TOGARAM1: variants seen among roughly 807,000 people sequenced by gnomAD.
TOGARAM1 encodes TOG array regulator of axonemal microtubules 1, also known as TOG array regulator of axonemal microtubules protein 1.
In TOGARAM1, 100 loss-of-function variants were observed where a neutral mutation model predicts 166.6. That is an observed-to-expected ratio of 0.60 (90% CI 0.51 to 0.71). TOGARAM1 has a LOEUF of 0.71. TOGARAM1 is among the 30% of genes least tolerant of loss of function. The pLI is 0.00. For missense variants in TOGARAM1, 2,029 were observed against 2,102.7 expected, an observed-to-expected ratio of 0.96 and a Z score of 0.69; for synonymous variants, 758 against 763.8, an observed-to-expected ratio of 0.99 and a Z score of 0.13.
At chr14:45,045,630 T>C (rs12894447) in intron 13 of TOGARAM1, among the ~76,000 whole-genome samples, 2 of 117,610 alleles carry the variant, frequency 1.7e-5, no homozygotes, top group African/African-American at 3.3e-5. Context: ...TATATATGTA[T>C]ATATATACAT....
Position 44,964,304 on chromosome 14 carries a change from A to C in TOGARAM1, c.1883A>C (p.Asp628Ala). The C allele has an allele frequency of 6.2e-7, 1 of 1,614,152 alleles. No homozygotes were observed. Among genetic ancestry groups the C allele is most frequent in the Non-Finnish European group, 8.5e-7 (1 of 1,180,020 alleles). Residue 628 changes from aspartate to alanine, a missense_variant, in exon 1 of 20, where the codon GAC becomes GCC. Asp to Ala is a moderately radical substitution (Grantham distance 126). Transcript: ENST00000361462. The stretch of plus-strand genomic sequence containing the variant: ...CAGAGTGCACACTGTCACTGTGGTG[A>C]CCACGTGAGGGATAGCATGCACATT... ...RTQSAHCHCG[D>A]HVRDSMHIYG...
At chr14:45,031,966 C>T (rs1028908139) in intron 10 of TOGARAM1, among the ~76,000 whole-genome samples, 6 of 152,090 alleles carry the variant, frequency 3.9e-5, no homozygotes, top group Admixed American at 6.6e-5. Context: ...TCAAGACCAG[C>T]TTGACCAACA....
chr14:44,990,452 C>G (rs1435828050), intron 1 of TOGARAM1, among the ~76,000 whole-genome samples: 1 of 152,236 alleles, frequency 6.6e-6, no homozygotes, highest in African/African-American at 2.4e-5. Context: ...AAAGGATGCA[C>G]TTTCAGGCCA....
chr14:45,042,677 T>C (rs935137204), intron 11 of TOGARAM1, among the ~76,000 whole-genome samples: 2 of 152,112 alleles, frequency 1.3e-5, no homozygotes, highest in Non-Finnish European at 2.9e-5. Context: ...TATAATGTAG[T>C]CTAATAAGTG....
chr14:45,011,150 T>A (rs1251384934), intron 6 of TOGARAM1, among the ~76,000 whole-genome samples: 1 of 152,174 alleles, frequency 6.6e-6, no homozygotes, highest in Non-Finnish European at 1.5e-5. Flanking sequence ...GTATTTATAA[T>A]GTCAGGAAAG....
intron 7 of TOGARAM1, among the ~76,000 whole-genome samples, chr14:45,015,177 C>T (rs952204419): frequency 6.6e-6 from 1 of 151,662 alleles, no homozygotes; most frequent in Non-Finnish European, 1.5e-5. Context: ...TGGTGGCGTG[C>T]GCCTGTAGTC....
chr14:45,036,851 AGAG>A (rs1881461118), intron 11 of TOGARAM1, among the ~76,000 whole-genome samples: 1 of 152,216 alleles, frequency 6.6e-6, no homozygotes, highest in Non-Finnish European at 1.5e-5. Context: ...GACATATCCA[AGAG>A]GAGAAGAAAA....
chr14:45,013,837 G>T (rs1879955407), intron 7 of TOGARAM1, among the ~76,000 whole-genome samples: 1 of 152,028 alleles, frequency 6.6e-6, no homozygotes, highest in Non-Finnish European at 1.5e-5. Context: ...TTACTAGATT[G>T]TATCTACTTT....
At chr14:45,014,831 A>G (rs1198301729) in intron 7 of TOGARAM1, among the ~76,000 whole-genome samples, 1 of 152,174 alleles carries the variant, frequency 6.6e-6, no homozygotes, top group Non-Finnish European at 1.5e-5. Flanking sequence ...TCAAGACAGA[A>G]TTTATAAAGA....
intron 7 of TOGARAM1, among the ~76,000 whole-genome samples, chr14:45,020,592 G>A (rs1880441852): frequency 6.6e-6 from 1 of 152,156 alleles, no homozygotes; most frequent in Non-Finnish European, 1.5e-5. Flanking sequence ...TATAAATCTT[G>A]TTCAGTGTAG....
intron 7 of TOGARAM1, among the ~76,000 whole-genome samples, chr14:45,017,619 C>CA (rs1461855106): frequency 6.6e-6 from 1 of 152,164 alleles, no homozygotes; most frequent in Non-Finnish European, 1.5e-5. Context: ...CGTGGTGGCT[C>CA]ACGCCTGTAA....
At position 45,073,650 on chromosome 14, in the gene TOGARAM1, T is replaced by TGA; in HGVS notation, c.*89_*90insGA. On this transcript the variant is annotated 3_prime_UTR_variant, in exon 20 of 20. Coordinates refer to ENST00000361462, the MANE Select transcript of TOGARAM1 (RefSeq NM_001308120.2). ...AAAGTTATGTTATCAGTGCCTGCACTTCACATCCAGCAAATTAAGTCAATG... is the reference window on the plus strand; with the variant it reads ...AAAGTTATGTTATCAGTGCCTGCACTGATCACATCCAGCAAATTAAGTCAATG... 1 of 1,246,074 alleles carries TGA rather than the reference T, an allele frequency of 8.0e-7. No individual in the cohort carries two copies. The highest frequency in any genetic ancestry group is 1.1e-6 in the Non-Finnish European group (1 of 911,442). The allele number at this position is 1,246,074 out of a possible 1,614,324, so 77.2% of individuals were successfully genotyped here.
chr14:44,999,605 A>G (rs772619303), intron 3 of TOGARAM1, 108 bp downstream of exon 3: 5 of 884,068 alleles, frequency 5.7e-6, no homozygotes, highest in Non-Finnish European at 7.8e-6. Context: ...CACAAAAAAT[A>G]AAAGGATTTT....
intron 19 of TOGARAM1, 39 bp from the exon 20 acceptor site, chr14:45,073,257 T>C: frequency 6.4e-7 from 1 of 1,564,644 alleles, no homozygotes; most frequent in South Asian, 1.2e-5. Flanking sequence ...GGCTTATTTA[T>C]TAAGAAAAAA....
chr14:45,009,584 C>G (rs1320838865), intron 6 of TOGARAM1, among the ~76,000 whole-genome samples: 1 of 152,146 alleles, frequency 6.6e-6, no homozygotes, highest in East Asian at 1.9e-4. Flanking sequence ...ATCTTATTTC[C>G]ATTATCTTGT....
In TOGARAM1 at chr14:45,032,089, A is replaced by G. The variant is rs571049603; in HGVS notation, c.3659-134A>G. The stretch of plus-strand genomic sequence containing the variant: ...GCAGGAGAATTGCTTGAAGCAGGGA[A>G]GTGGAGGTTGCAGTGAGCTAAGATC... On this transcript the variant is annotated intron_variant, in intron 10 of 19. Coordinates refer to ENST00000361462, the MANE Select transcript of TOGARAM1 (RefSeq NM_001308120.2). 3.8e-5 allele frequency: 26 copies of G among 683,928 alleles called. No individual in the cohort carries two copies. The African/African-American group carries it at 4.6e-4, about 12-fold the overall frequency. The allele number at this position is 683,928 out of a possible 1,614,324, so 42.4% of individuals were successfully genotyped here.
Position 44,964,343 on chromosome 14 carries a change from G to A in TOGARAM1, c.1922G>A (p.Ser641Asn), listed in dbSNP as rs1355364490. 1.9e-6 allele frequency: 3 copies of A among 1,614,008 alleles called. No individual in the cohort carries two copies. The highest frequency in any genetic ancestry group is 2.5e-6 in the Non-Finnish European group (3 of 1,180,042). Reference protein sequence around the residue: ...RDSMHIYGSYSPTICTRRVLS... With the variant: ...RDSMHIYGSYNPTICTRRVLS... ...AGCATGCACATTTATGGATCTTACA[G>A]CCCAACTATCTGTACCCGAAGGGTA... Residue 641 changes from serine (S) to asparagine (N), a missense_variant, in exon 1 of 20, where the codon AGC (serine) becomes AAC (asparagine). By Grantham distance (46) the Ser-to-Asn change is conservative. Transcript: ENST00000361462.
chr14:45,039,015 G>T (rs1881583552), intron 11 of TOGARAM1, among the ~76,000 whole-genome samples: 1 of 152,112 alleles, frequency 6.6e-6, no homozygotes, highest in African/African-American at 2.4e-5. Flanking sequence ...CCACAGGCGG[G>T]TCATCCTGAT....
chr14:45,022,173 C>T (rs2138891517), intron 7 of TOGARAM1, among the ~76,000 whole-genome samples: 1 of 151,940 alleles, frequency 6.6e-6, no homozygotes, highest in South Asian at 2.1e-4. Flanking sequence ...GAAAGCAGGG[C>T]CATTGTCACT....
Sources: gnomAD v4.1 joint callset for allele counts (sites outside exome capture counted in the v4.1 genomes callset) on GRCh38, gnomAD v4.1.1 for gene constraint, MANE v1.5 for transcripts, NCBI Gene and HGNC (gene_info 2026-07-23, HGNC 2026-07-21) for gene names.